Variants in RFLNA observed in about 807,000 individuals in gnomAD.
The protein encoded by RFLNA is refilin-A.
RFLNA carries 5 observed loss-of-function variants against 7.8 expected under a neutral mutation model. That is an observed-to-expected ratio of 0.64 (90% CI 0.34 to 1.35). The LOEUF is 1.35. RFLNA is among the 40% of genes most tolerant of loss of function. The pLI is 0.04. For missense variants in RFLNA, 278 were observed against 305.5 expected (o/e 0.91, Z 0.67); for synonymous variants, 141 against 131.3 (o/e 1.07, Z -0.50).
intron 1 of RFLNA, among the ~76,000 whole-genome samples, chr12:124,309,455 C>T (rs930058659): frequency 2.0e-5 from 3 of 152,212 alleles, no homozygotes; most frequent in Non-Finnish European, 2.9e-5. Context: ...CACAGTGGCG[C>T]GCAGTGGGTG....
intron 1 of RFLNA, among the ~76,000 whole-genome samples, chr12:124,299,400 G>A (rs2033987152): frequency 6.6e-6 from 1 of 152,198 alleles, no homozygotes; most frequent in Non-Finnish European, 1.5e-5. Context: ...GGTGGTATTT[G>A]GTGACATGAG....
intron 1 of RFLNA, among the ~76,000 whole-genome samples, chr12:124,297,405 T>C (rs2033948026): frequency 6.6e-6 from 1 of 152,222 alleles, no homozygotes. Flanking sequence ...TGGGTTATGA[T>C]ACTTGGCATT....
intron 1 of RFLNA, among the ~76,000 whole-genome samples, chr12:124,304,850 C>T (rs1177050166): frequency 1.3e-5 from 2 of 152,230 alleles, no homozygotes; most frequent in African/African-American, 2.4e-5. Context: ...ATGTCACCCC[C>T]TCTTGCGGGA....
At chr12:124,307,983 C>CTT (rs35040581) in intron 1 of RFLNA, among the ~76,000 whole-genome samples, 1,641 of 138,352 alleles carry the variant, frequency 0.012, 18 homozygotes, top group Non-Finnish European at 0.02. Flanking sequence ...TGTGTCCGCT[C>CTT]TTTTTTTTTT....
rs371741982 is a variant in RFLNA at position 124,304,936 on chromosome 12, C to T, written c.208-6882C>T. On this transcript the variant is annotated intron_variant, in intron 1 of 2. Transcript: ENST00000546355. Reference sequence around the variant, plus strand: ...ACACAGTAGGTGCTCAGCAAACAAACACCTGCACGCACTTGGGAAAATGCC... The same window carrying T: ...ACACAGTAGGTGCTCAGCAAACAAATACCTGCACGCACTTGGGAAAATGCC... Among the ~76,000 whole-genome samples, 128 of 152,354 alleles carry T rather than the reference C, an allele frequency of 8.4e-4. 3 individuals carry two copies. In the South Asian group the frequency reaches 0.026, roughly 31 times the overall value.
chr12:124,310,704 G>A (rs1354828882), intron 1 of RFLNA, among the ~76,000 whole-genome samples: 1 of 152,146 alleles, frequency 6.6e-6, no homozygotes, highest in Non-Finnish European at 1.5e-5. Context: ...CACAGGGAGT[G>A]GAATTTTGGG....
intron 1 of RFLNA, among the ~76,000 whole-genome samples, chr12:124,308,457 C>G (rs555110472): frequency 6.6e-6 from 1 of 151,138 alleles, no homozygotes; most frequent in African/African-American, 2.5e-5. Flanking sequence ...TCTACCCACA[C>G]TGCCCTTGTC....
At chr12:124,311,636 G>A in intron 1 of RFLNA, 182 bp from the exon 2 acceptor site, 1 of 517,560 alleles carries the variant, frequency 1.9e-6, no homozygotes, top group East Asian at 3.6e-5. Flanking sequence ...GGATCCCATG[G>A]AGGGCGTCTG....
intron 2 of RFLNA, among the ~76,000 whole-genome samples, chr12:124,312,657 A>G (rs1389292709): frequency 6.6e-6 from 1 of 152,140 alleles, no homozygotes; most frequent in Admixed American, 6.5e-5. Context: ...CAGGCAACTC[A>G]GGACCGCCTT....
At chr12:124,298,512 G>A (rs11057573) in intron 1 of RFLNA, among the ~76,000 whole-genome samples, 149,412 of 152,306 alleles carry the variant, frequency 0.98, 73,354 homozygotes, top group Middle Eastern at 1. Context: ...ATCACTCCCA[G>A]GCCAGACGAA....
In RFLNA at chr12:124,289,823, T is replaced by C. The variant is rs1308589761; in HGVS notation, c.-37+453T>C. Among the ~76,000 whole-genome samples, 1 of 152,098 alleles carries C rather than the reference T, an allele frequency of 6.6e-6. No individual in the cohort carries two copies. Among genetic ancestry groups the C allele is most frequent in the Non-Finnish European group, 1.5e-5 (1 of 67,986 alleles). On this transcript the variant is annotated intron_variant, in intron 1 of 2. Coordinates refer to the RFLNA transcript ENST00000324038. This position sits in a 1 kb window ranked among gnomAD's most constrained non-coding sequence, Gnocchi z 5.0. ...GGGTGAGACAGGCCACCGGGGAACA[T>C]GCGACTCCCCGGGGCAGGGAGGCAT...
At position 124,306,894 on chromosome 12, in the gene RFLNA, C is replaced by T. The variant is rs897787542; in HGVS notation, c.208-4924C>T. 2.6e-5 allele frequency among the ~76,000 whole-genome samples: 4 copies of T among 152,144 alleles called. No individual in the cohort carries two copies. The highest frequency in any genetic ancestry group is 9.7e-5 in the African/African-American group (4 of 41,426). ...AGTTCCCGCCCAGCCCGATGTCCAC[C>T]CTCCACTCCCTCTGCCCGAGGCCGG... On this transcript the variant is annotated intron_variant, in intron 1 of 2. Transcript: ENST00000546355. The surrounding 1 kb of genome is among the most constrained non-coding windows in gnomAD (Gnocchi z 5.2).
chr12:124,310,429 G>A (rs1171163503), intron 1 of RFLNA, among the ~76,000 whole-genome samples: 1 of 150,676 alleles, frequency 6.6e-6, no homozygotes, highest in Admixed American at 6.6e-5. Context: ...AGGAGAGGCT[G>A]CAGGGGCCAG....
chr12:124,300,920 A>G (rs568934668), intron 1 of RFLNA, among the ~76,000 whole-genome samples: 3 of 151,072 alleles, frequency 2.0e-5, no homozygotes, highest in African/African-American at 7.3e-5. Flanking sequence ...AGAAGGGTGG[A>G]TGGATGGATG....
intron 2 of RFLNA, 120 bp downstream of exon 2, chr12:124,312,047 C>G: frequency 8.2e-7 from 1 of 1,216,840 alleles, no homozygotes; most frequent in Non-Finnish European, 1.1e-6. Context: ...AGGCTCCCTA[C>G]CCTCCAGGCA....
chr12:124,307,164 C>T (rs373408034), intron 1 of RFLNA, among the ~76,000 whole-genome samples: 2 of 152,178 alleles, frequency 1.3e-5, no homozygotes, highest in African/African-American at 2.4e-5. Context: ...GGGAGAGGGC[C>T]GCAAACCTAG....
chr12:124,305,361 A>G (rs1289413616), intron 1 of RFLNA, among the ~76,000 whole-genome samples: 2 of 152,346 alleles, frequency 1.3e-5, no homozygotes, highest in East Asian at 1.9e-4. Flanking sequence ...GGCCCACTTC[A>G]GAGACGTGGA....
upstream of RFLNA, among the ~76,000 whole-genome samples, chr12:124,291,611 G>A (rs2033825664): frequency 6.6e-6 from 1 of 152,220 alleles, no homozygotes; most frequent in South Asian, 2.1e-4. Flanking sequence ...GCACGATGGT[G>A]CGTGTGCAGA....
chr12:124,304,097 T>C (rs1446908955), intron 1 of RFLNA, among the ~76,000 whole-genome samples: 5 of 152,240 alleles, frequency 3.3e-5, no homozygotes, highest in African/African-American at 1.2e-4. Flanking sequence ...GCACTTCCCT[T>C]GCCCACTCCC....
Sources: gnomAD v4.1 joint callset for allele counts (sites outside exome capture counted in the v4.1 genomes callset) on GRCh38, gnomAD v4.1.1 for gene constraint, Gnocchi (gnomAD v3.1) non-coding constraint, MANE v1.5 for transcripts, NCBI Gene and HGNC (gene_info 2026-07-23, HGNC 2026-07-21) for gene names.